The following PXDC1 variants were observed in gnomAD, a reference collection of about 807,000 sequenced individuals.
PXDC1 encodes PX domain containing 1.
Under a neutral mutation model 24.4 loss-of-function variants are expected in PXDC1, and 13 were observed. The ratio of observed to expected loss-of-function variants is 0.53; its 90% CI spans 0.35 to 0.85. The LOEUF is 0.85. Among genes scored for constraint, PXDC1 ranks in the 40% least tolerant of loss-of-function variants. PXDC1 has a pLI of 0.01. For missense variants in PXDC1, 344 were observed against 309.3 expected, an observed-to-expected ratio of 1.11 and a Z score of -0.84; for synonymous variants, 162 against 124.9, an observed-to-expected ratio of 1.30 and a Z score of -1.98.
In PXDC1 at chr6:3,751,579, C is replaced by A. The variant is rs1271828608; in HGVS notation, c.-48G>T. On this transcript the variant is annotated 5_prime_UTR_variant, in exon 1 of 5. Transcript: ENST00000380283. The stretch of plus-strand genomic sequence containing the variant: ...GGGCTCCCCAGCCCCGCCGCCCGCC[C>A]GCCCGCAGGAGGCGCGCCCCGGCCG... The A allele has an allele frequency of 2.1e-6, 3 of 1,455,034 alleles. No individual in the cohort carries two copies. Among genetic ancestry groups the A allele is most frequent in the Non-Finnish European group, 2.7e-6 (3 of 1,107,888 alleles). 90.1% of individuals were successfully genotyped at this position (1,455,034 alleles called of 1,614,324 possible).
intron 4 of PXDC1, among the ~76,000 whole-genome samples, chr6:3,726,126 G>C (rs1044872122): frequency 5.3e-5 from 8 of 152,158 alleles, no homozygotes; most frequent in African/African-American, 1.9e-4. Context: ...CTTGGATATA[G>C]AAAGGGGTCC....
chr6:3,738,092 T>C lies in PXDC1; in HGVS notation c.313A>G (p.Lys105Glu). 6.2e-7 allele frequency: 1 copy of C among 1,614,054 alleles called. No individual in the cohort carries two copies. ...DIETRLNEVE[K>E]LLKTIISMPC... is the part of the protein sequence containing the mutation. ...ATGCTTATGATCGTCTTCAGCAGCT[T>C]CTCCACCTCATTAAGCCTGGTCTCT... Residue 105 changes from lysine (K) to glutamate (E), a missense_variant, in exon 2 of 5, where the codon AAG (lysine) becomes GAG (glutamate). By Grantham distance (56) the Lys-to-Glu change is moderately conservative. Coordinates refer to ENST00000380283, the MANE Select transcript of PXDC1 (RefSeq NM_183373.4).
chr6:3,747,382 C>T (rs553251411), intron 1 of PXDC1, among the ~76,000 whole-genome samples: 29 of 152,312 alleles, frequency 1.9e-4, no homozygotes, highest in Non-Finnish European at 3.1e-4. Context: ...AGCACAGCAG[C>T]CCGAGTTTGA....
chr6:3,748,296 C>T (rs1304584377), intron 1 of PXDC1, among the ~76,000 whole-genome samples: 2 of 151,918 alleles, frequency 1.3e-5, no homozygotes, highest in Non-Finnish European at 2.9e-5. Context: ...CCTAGGGCTG[C>T]GGGACAAGAA....
At position 3,725,007 on chromosome 6, in the gene PXDC1, C is replaced by T. The variant is rs2127597518; in HGVS notation, c.579-1271G>A. Among the ~76,000 whole-genome samples the T allele has an allele frequency of 6.6e-6, 1 of 152,252 alleles. No homozygotes were observed. Among genetic ancestry groups the T allele is most frequent in the South Asian group, 2.1e-4 (1 of 4,820 alleles). The stretch of plus-strand genomic sequence containing the variant: ...TGCTCACGGTCCTGGCAACACGAGG[C>T]TGGGACAGAGGCCGCGGCACAAAGA... On this transcript the variant is annotated intron_variant, in intron 4 of 4. Transcript: ENST00000380283. The surrounding 1 kb of genome is among the most constrained non-coding windows in gnomAD (Gnocchi z 4.8).
chr6:3,751,593 G>A lies in PXDC1; in HGVS notation c.-62C>T. The stretch of plus-strand genomic sequence containing the variant: ...CGCCGCCCGCCCGCCCGCAGGAGGC[G>A]CGCCCCGGCCGGGGTCGTCCCGGGT... On this transcript the variant is annotated 5_prime_UTR_variant, in exon 1 of 5. Transcript: ENST00000380283. The A allele has an allele frequency of 7.0e-7, 1 of 1,434,016 alleles. No individual in the cohort carries two copies. The allele number at this position is 1,434,016 out of a possible 1,614,324, so 88.8% of individuals were successfully genotyped here. A position where few individuals can be genotyped will look rare whatever the true frequency, so the allele number is the denominator to read the frequency against.
chr6:3,745,201 G>A (rs1199336930), intron 1 of PXDC1, among the ~76,000 whole-genome samples: 1 of 152,206 alleles, frequency 6.6e-6, no homozygotes, highest in East Asian at 1.9e-4. Context: ...GGGTATATGG[G>A]GGGGCCACAC....
chr6:3,732,093 T>A (rs955212437), intron 3 of PXDC1, among the ~76,000 whole-genome samples: 2 of 152,276 alleles, frequency 1.3e-5, no homozygotes, highest in African/African-American at 4.8e-5. Flanking sequence ...AATCAATGGA[T>A]CTTTTTTGCA....
intron 3 of PXDC1, among the ~76,000 whole-genome samples, chr6:3,735,780 A>T (rs115704693): frequency 1.4e-3 from 212 of 152,368 alleles, no homozygotes; most frequent in Non-Finnish European, 2.6e-3. Flanking sequence ...CAAAGAAAAG[A>T]TGAATGTTTG....
intron 3 of PXDC1, among the ~76,000 whole-genome samples, chr6:3,730,389 T>G (rs1760169239): frequency 6.6e-6 from 1 of 152,220 alleles, no homozygotes; most frequent in African/African-American, 2.4e-5. Context: ...TGTGCACAGC[T>G]TTTATACGCC....
At chr6:3,744,643 C>A (rs1034910853) in intron 1 of PXDC1, among the ~76,000 whole-genome samples, 1 of 152,366 alleles carries the variant, frequency 6.6e-6, no homozygotes, top group Non-Finnish European at 1.5e-5. Context: ...GAGGCAACGG[C>A]TTCCCACGGA....
chr6:3,739,450 C>G (rs990349584), intron 1 of PXDC1, among the ~76,000 whole-genome samples: 20 of 152,264 alleles, frequency 1.3e-4, no homozygotes, highest in African/African-American at 4.6e-4. Flanking sequence ...TCTGATCCTG[C>G]CCCCTCCACT....
intron 1 of PXDC1, among the ~76,000 whole-genome samples, chr6:3,747,495 G>A (rs963295405): frequency 1.3e-5 from 2 of 151,994 alleles, no homozygotes; most frequent in Non-Finnish European, 2.9e-5. Flanking sequence ...CTCCACACCA[G>A]CCACCGTACC....
chr6:3,741,166 C>G (rs1760441423), intron 1 of PXDC1, among the ~76,000 whole-genome samples: 1 of 152,234 alleles, frequency 6.6e-6, no homozygotes, highest in African/African-American at 2.4e-5. Flanking sequence ...CGGTCACCAG[C>G]CTCGAAGGAG....
chr6:3,744,321 G>A (rs1041561543), intron 1 of PXDC1, among the ~76,000 whole-genome samples: 16 of 152,122 alleles, frequency 1.1e-4, no homozygotes, highest in African/African-American at 3.4e-4. Context: ...GGATACCACG[G>A]CCAACAAGAT....
chr6:3,738,029 G>A, intron 2 of PXDC1, 28 bp downstream of exon 2: 1 of 1,573,810 alleles, frequency 6.4e-7, no homozygotes, highest in Non-Finnish European at 8.7e-7. Flanking sequence ...CCACCTCCCT[G>A]CCCAGCCCGG....
chr6:3,746,336 C>T (rs943255667), intron 1 of PXDC1, among the ~76,000 whole-genome samples: 1 of 152,088 alleles, frequency 6.6e-6, no homozygotes, highest in East Asian at 1.9e-4. Flanking sequence ...GAGTGGGCGG[C>T]GGGGTTTGGG....
chr6:3,726,486 G>C (rs1760069906), intron 4 of PXDC1, among the ~76,000 whole-genome samples: 1 of 152,232 alleles, frequency 6.6e-6, no homozygotes, highest in Non-Finnish European at 1.5e-5. Context: ...CATCTACCCG[G>C]GAGACACACT....
Position 3,738,080 on chromosome 6 carries a change from T to C in PXDC1, c.325A>G (p.Thr109Ala). The change falls in exon 2 of 5, where the codon ACG becomes GCG. Residue 109 changes from threonine (T) to alanine (A), a missense_variant. Thr to Ala is a moderately conservative substitution (Grantham distance 58, BLOSUM62 0). Transcript: ENST00000380283. ...ACTTTACAGGGCATGCTTATGATCG[T>C]CTTCAGCAGCTTCTCCACCTCATTA... is the stretch of plus-strand genomic sequence containing the variant. ...RLNEVEKLLKTIISMPCKYSR... is the reference protein window; with the variant it reads ...RLNEVEKLLKAIISMPCKYSR... 6.2e-7 allele frequency: 1 copy of C among 1,614,078 alleles called. No individual in the cohort carries two copies. Among genetic ancestry groups the C allele is most frequent in the Non-Finnish European group, 8.5e-7 (1 of 1,179,994 alleles).
Sources: gnomAD v4.1 joint callset for allele counts (sites outside exome capture counted in the v4.1 genomes callset) on GRCh38, gnomAD v4.1.1 for gene constraint, Gnocchi (gnomAD v3.1) non-coding constraint, MANE v1.5 for transcripts, NCBI Gene and HGNC (gene_info 2026-07-23, HGNC 2026-07-21) for gene names.